BMPR1A: variants seen among roughly 807,000 people sequenced by gnomAD.
The protein encoded by BMPR1A is bone morphogenetic protein receptor type-1A.
BMPR1A carries 7 observed loss-of-function variants against 66.0 expected under a neutral mutation model. The ratio of observed to expected loss-of-function variants is 0.11; its 90% confidence interval spans 0.06 to 0.20. The LOEUF (loss-of-function observed/expected upper bound fraction) is 0.20, where lower values mean the gene tolerates loss of function less well. BMPR1A is among the 10% of genes least tolerant of loss of function. The pLI is 1.00. For synonymous variants in BMPR1A, 200 were observed against 229.7 expected, an observed-to-expected ratio of 0.87 and a Z score of 1.17; for missense variants, 408 against 669.1, an observed-to-expected ratio of 0.61 and a Z score of 4.31.
At chr10:86,794,942 C>T (rs1841684345) in intron 1 of BMPR1A, among the ~76,000 whole-genome samples, 1 of 151,788 alleles carries the variant, frequency 6.6e-6, no homozygotes, top group African/African-American at 2.4e-5. Flanking sequence ...CACTCCACCT[C>T]CTTGGTTCAA....
intron 1 of BMPR1A, among the ~76,000 whole-genome samples, chr10:86,787,089 A>G (rs1463716907): frequency 6.6e-6 from 1 of 152,240 alleles, no homozygotes; most frequent in African/African-American, 2.4e-5. Flanking sequence ...TTTGCATTAT[A>G]GATTTCATGC....
At chr10:86,780,498 G>A (rs984627718) in intron 1 of BMPR1A, among the ~76,000 whole-genome samples, 1 of 151,944 alleles carries the variant, frequency 6.6e-6, no homozygotes, top group Non-Finnish European at 1.5e-5. Context: ...GCAGTGGCAC[G>A]ATCTCGGCTC....
In BMPR1A at chr10:86,793,094, A is replaced by ACCCC. The variant is rs142292233; in HGVS notation, c.-268+36181_-268+36184dup. On this transcript the variant is annotated intron_variant, in intron 1 of 12. Transcript: ENST00000372037. ...TCCTTTTTTCATCCTCCTGATCTAT[A>ACCCC]CCCCCCCCCACCCCCCGCCACCCCA... 1.9e-3 allele frequency among the ~76,000 whole-genome samples: 198 copies of ACCCC among 106,076 alleles called. 1 individual carries two copies. The highest frequency in any genetic ancestry group is 3.3e-3 in the African/African-American group (92 of 27,520). The allele number at this position is 106,076 out of a possible 152,430, so 69.6% of individuals were successfully genotyped here.
intron 1 of BMPR1A, among the ~76,000 whole-genome samples, chr10:86,832,918 A>G (rs549591713): frequency 6.6e-6 from 1 of 152,264 alleles, no homozygotes; most frequent in Non-Finnish European, 1.5e-5. Flanking sequence ...TCTTGGGAAA[A>G]GGAAATTTTG....
At chr10:86,760,236 C>CTTTTTTTTTTTTTTTTTTTTT (rs1841025275) in intron 1 of BMPR1A, among the ~76,000 whole-genome samples, 3 of 20,062 alleles carry the variant, frequency 1.5e-4, no homozygotes, top group African/African-American at 2.1e-4. Context: ...TTCTTTCTTT[C>CTTTTTTTTTTTTTTTTTTTTT]TTTCTTTCTT....
chr10:86,874,172 A>T (rs1173475114), intron 2 of BMPR1A, among the ~76,000 whole-genome samples: 1 of 152,182 alleles, frequency 6.6e-6, no homozygotes, highest in African/African-American at 2.4e-5. Flanking sequence ...AAGTAGAATG[A>T]TATATATCTT....
At position 86,794,379 on chromosome 10, in the gene BMPR1A, G is replaced by GTGAA. The variant is rs1181212401; in HGVS notation, c.-268+37460_-268+37461insTGAA. Among the ~76,000 whole-genome samples the GTGAA allele has an allele frequency of 8.8e-3, 1,344 of 152,228 alleles. 22 individuals are homozygous for GTGAA. The highest frequency in any genetic ancestry group is 0.03 in the African/African-American group (1,229 of 41,538). On this transcript the variant is annotated intron_variant, in intron 1 of 12. Transcript: ENST00000372037. ...CTTGTTTCTTCTTTGGTGAAATCAA[G>GTGAA]ATAGTAATGCTTGTCTGTATGTACT...
intron 1 of BMPR1A, among the ~76,000 whole-genome samples, chr10:86,806,837 A>G (rs1212481789): frequency 6.6e-6 from 1 of 152,072 alleles, no homozygotes; most frequent in Non-Finnish European, 1.5e-5. Context: ...GGCATGAGCC[A>G]CTGTACCTGA....
intron 2 of BMPR1A, among the ~76,000 whole-genome samples, chr10:86,858,312 C>A (rs1230733295): frequency 1.3e-5 from 2 of 152,094 alleles, no homozygotes; most frequent in Admixed American, 1.3e-4. Context: ...TATATTGAAG[C>A]TTTCTGTACG....
intron 2 of BMPR1A, among the ~76,000 whole-genome samples, chr10:86,865,556 TCA>T (rs1432221147): frequency 6.6e-6 from 1 of 152,216 alleles, no homozygotes; most frequent in African/African-American, 2.4e-5. Context: ...CTTTTATTGC[TCA>T]CACAAAGCCT....
intron 1 of BMPR1A, among the ~76,000 whole-genome samples, chr10:86,819,155 T>C (rs902210095): frequency 4.0e-5 from 6 of 151,540 alleles, no homozygotes; most frequent in Middle Eastern, 3.4e-3. Context: ...TGGCTACTTA[T>C]TTATTATTAT....
chr10:86,833,950 A>G (rs1323573334), intron 1 of BMPR1A, among the ~76,000 whole-genome samples: 2 of 152,222 alleles, frequency 1.3e-5, no homozygotes, highest in South Asian at 2.1e-4. Context: ...GGTTCTTTCT[A>G]TCTTTTAATG....
rs1275648506 is a variant in BMPR1A at position 86,912,175 on chromosome 10, A to G, written c.531-65A>G. 9.0e-6 allele frequency: 14 copies of G among 1,561,718 alleles called. No individual in the cohort carries two copies. In the African/African-American group the frequency reaches 1.6e-4, roughly 18 times the overall value. Reference sequence around the variant, plus strand: ...AAGGATAATGGTATAGAGAACCTCAAGGTTTTTCTTAGGGTTTTATAGTTT... The same window carrying G: ...AAGGATAATGGTATAGAGAACCTCAGGGTTTTTCTTAGGGTTTTATAGTTT... On this transcript the variant is annotated intron_variant, in intron 7 of 12. Transcript: ENST00000372037.
At chr10:86,820,154 C>T (rs1842100189) in intron 1 of BMPR1A, among the ~76,000 whole-genome samples, 1 of 152,132 alleles carries the variant, frequency 6.6e-6, no homozygotes, top group Non-Finnish European at 1.5e-5. Flanking sequence ...GTGGTTCTCT[C>T]ACCTCAGCCT....
At chr10:86,849,267 G>A (rs1410798268) in intron 2 of BMPR1A, among the ~76,000 whole-genome samples, 1 of 152,144 alleles carries the variant, frequency 6.6e-6, no homozygotes, top group Non-Finnish European at 1.5e-5. Flanking sequence ...CAGTCTTACT[G>A]ATCTCACTCT....
chr10:86,873,570 T>A (rs1842880314), intron 2 of BMPR1A, among the ~76,000 whole-genome samples: 1 of 150,098 alleles, frequency 6.7e-6, no homozygotes, highest in South Asian at 2.1e-4. Flanking sequence ...CACTGGAGAG[T>A]GGTAGCCAGT....
chr10:86,843,232 T>C (rs1328624997), intron 2 of BMPR1A, among the ~76,000 whole-genome samples: 1 of 152,220 alleles, frequency 6.6e-6, no homozygotes, highest in African/African-American at 2.4e-5. Context: ...CTCTACTCTC[T>C]TCTCTTGGCA....
At position 86,868,778 on chromosome 10, in the gene BMPR1A, G is replaced by GTTTTTTTTTTTTTTT. The variant is rs55872033; in HGVS notation, c.-152-7076_-152-7075insTTTTTTTTTTTTTTT. 1.6e-3 allele frequency among the ~76,000 whole-genome samples: 223 copies of GTTTTTTTTTTTTTTT among 140,892 alleles called. 2 individuals are homozygous for GTTTTTTTTTTTTTTT. The highest frequency in any genetic ancestry group is 0.011 in the South Asian group (50 of 4,394). 92.4% of individuals were successfully genotyped at this position (140,892 alleles called of 152,430 possible). A position where few individuals can be genotyped will look rare whatever the true frequency, so the allele number is the denominator to read the frequency against. On this transcript the variant is annotated intron_variant, in intron 2 of 12. Transcript: ENST00000372037. ...TCAACTGACTTCAGCCTTTTCCTGTGTTTTTTTTTTTTTAAGTTCCAATTG... is the reference window on the plus strand; with the variant it reads ...TCAACTGACTTCAGCCTTTTCCTGTGTTTTTTTTTTTTTTTTTTTTTTTTTTTTAAGTTCCAATTG...
chr10:86,921,742 T>A (rs1843669215), intron 11 of BMPR1A, 47 bp downstream of exon 11: 17 of 1,612,532 alleles, frequency 1.1e-5, no homozygotes, highest in Non-Finnish European at 1.4e-5. Flanking sequence ...CTCATCATTT[T>A]AAAAATAACA....
Sources: allele counts gnomAD v4.1 joint callset (sites outside exome capture counted in the v4.1 genomes callset), GRCh38; gene constraint gnomAD v4.1.1; transcripts MANE v1.5; gene names NCBI Gene and HGNC (gene_info 2026-07-23, HGNC 2026-07-21).